Variants in RYR2 observed in about 807,000 individuals in gnomAD.
RYR2 encodes ryanodine receptor 2.
A neutral mutation model predicts 601.1 loss-of-function variants in RYR2; 227 were observed. The ratio of observed to expected loss-of-function variants is 0.38; its 90% CI spans 0.34 to 0.42. RYR2 has a LOEUF of 0.42. Ranked by LOEUF, RYR2 falls within the 10% of genes least tolerant of loss-of-function variation. RYR2 has a pLI of 1.00. For missense variants in RYR2, 4,646 were observed against 6,156.5 expected, an observed-to-expected ratio of 0.75 and a Z score of 8.21; for synonymous variants, 2,223 against 2,175.1, an observed-to-expected ratio of 1.02 and a Z score of -0.61.
chr1:237,766,859 G>A (rs565088693), intron 84 of RYR2, among the ~76,000 whole-genome samples: 3 of 152,220 alleles, frequency 2.0e-5, no homozygotes, highest in South Asian at 2.1e-4. Flanking sequence ...TCTTGGCATC[G>A]GAAATAGGAA....
chr1:237,571,554 A>T (rs190328444), intron 29 of RYR2, among the ~76,000 whole-genome samples: 386 of 152,134 alleles, frequency 2.5e-3, no homozygotes, highest in Non-Finnish European at 4.4e-3. Flanking sequence ...ACCTCAGGTG[A>T]TCCACCCGCC....
At chr1:237,042,832 C>G (rs1301346860) in intron 1 of RYR2, among the ~76,000 whole-genome samples, 1 of 152,058 alleles carries the variant, frequency 6.6e-6, no homozygotes, top group Non-Finnish European at 1.5e-5. Context: ...CGCCCGGGCT[C>G]GGACCCGGGG....
At chr1:237,290,896 A>G (rs1325372684) in intron 2 of RYR2, among the ~76,000 whole-genome samples, 2 of 152,212 alleles carry the variant, frequency 1.3e-5, no homozygotes, top group Non-Finnish European at 2.9e-5. Flanking sequence ...AAAGATGTTG[A>G]AGATTATTAG....
At chr1:237,082,639 A>C (rs533182342) in intron 1 of RYR2, among the ~76,000 whole-genome samples, 2 of 149,904 alleles carry the variant, frequency 1.3e-5, no homozygotes, top group African/African-American at 4.9e-5. Flanking sequence ...TCTCAGTACC[A>C]TAAGGTTAAC....
intron 1 of RYR2, among the ~76,000 whole-genome samples, chr1:237,149,761 T>C (rs767813753): frequency 5.9e-5 from 9 of 152,234 alleles, no homozygotes; most frequent in Non-Finnish European, 1.2e-4. Context: ...TCATTGGCTA[T>C]CCTATTTCCT....
chr1:237,405,265 G>A (rs976054246), intron 10 of RYR2, among the ~76,000 whole-genome samples: 4 of 152,208 alleles, frequency 2.6e-5, no homozygotes, highest in African/African-American at 4.8e-5. Context: ...AGTGATGTAG[G>A]AGGAAAACCT....
At chr1:237,559,089 G>A (rs1201733023) in intron 27 of RYR2, among the ~76,000 whole-genome samples, 2 of 151,072 alleles carry the variant, frequency 1.3e-5, no homozygotes, top group Non-Finnish European at 2.9e-5. Context: ...TCACCTCCCA[G>A]GTTCAAGTGA....
chr1:237,297,718 A>G (rs527829100), intron 2 of RYR2, among the ~76,000 whole-genome samples: 1 of 151,702 alleles, frequency 6.6e-6, no homozygotes, highest in South Asian at 2.1e-4. Flanking sequence ...AAGTTCAGTG[A>G]TTGACTTCTT....
At chr1:237,634,818 G>C in intron 43 of RYR2, 71 bp from the exon 44 acceptor site, 1 of 1,114,296 alleles carries the variant, frequency 9.0e-7, no homozygotes, top group Middle Eastern at 2.3e-4. Flanking sequence ...TTAAGAGGTA[G>C]TATATTTTTG....
intron 1 of RYR2, among the ~76,000 whole-genome samples, chr1:237,159,421 CAGG>C (rs1419615012): frequency 6.6e-6 from 1 of 152,152 alleles, no homozygotes; most frequent in Non-Finnish European, 1.5e-5. Context: ...ATCAAATAGA[CAGG>C]AGAGATGTGT....
At chr1:237,165,105 A>G (rs945250473) in intron 1 of RYR2, among the ~76,000 whole-genome samples, 2 of 151,744 alleles carry the variant, frequency 1.3e-5, no homozygotes, top group East Asian at 1.9e-4. Context: ...CTATAGGCGC[A>G]TGCACCATAC....
At position 237,256,774 on chromosome 1, in the gene RYR2, G is replaced by A. The variant is rs575893310; in HGVS notation, c.49-13723G>A. On this transcript the variant is annotated intron_variant, in intron 1 of 104. Transcript: ENST00000366574. Reference sequence around the variant, plus strand: ...TCTAGTATTTTTCCATCTCTAAAATGCAAAGTGAGAACGGTCGCTTTCTCA... The same window carrying A: ...TCTAGTATTTTTCCATCTCTAAAATACAAAGTGAGAACGGTCGCTTTCTCA... Among the ~76,000 whole-genome samples the A allele has an allele frequency of 9.9e-5, 15 of 152,276 alleles. No individual in the cohort carries two copies. In the South Asian group the frequency reaches 3.1e-3, roughly 32 times the overall value.
intron 1 of RYR2, among the ~76,000 whole-genome samples, chr1:237,135,133 A>C (rs1403803650): frequency 1.3e-5 from 2 of 152,196 alleles, no homozygotes; most frequent in African/African-American, 2.4e-5. Context: ...TCAATGCCTT[A>C]TGTAAGGTTA....
At chr1:237,379,400 C>T (rs1010192710) in intron 8 of RYR2, among the ~76,000 whole-genome samples, 1 of 152,144 alleles carries the variant, frequency 6.6e-6, no homozygotes, top group African/African-American at 2.4e-5. Context: ...CTGGCTTTCT[C>T]ATCTGTAAAA....
chr1:237,198,659 C>T (rs150096322), intron 1 of RYR2, among the ~76,000 whole-genome samples: 130 of 152,030 alleles, frequency 8.6e-4, no homozygotes, highest in African/African-American at 3.0e-3. Context: ...CTTGACTGCT[C>T]TTAGAGAGAC....
chr1:237,232,088 G>T (rs934595254), intron 1 of RYR2, among the ~76,000 whole-genome samples: 20 of 152,144 alleles, frequency 1.3e-4, no homozygotes, highest in African/African-American at 4.6e-4. Flanking sequence ...TACATACTTG[G>T]TGTTCAATCT....
At chr1:237,825,997 T>G (rs1240378889) in intron 101 of RYR2, among the ~76,000 whole-genome samples, 1 of 152,076 alleles carries the variant, frequency 6.6e-6, no homozygotes, top group Non-Finnish European at 1.5e-5. Flanking sequence ...ATGGCGATCA[T>G]TAAAAAGTCA....
intron 25 of RYR2, among the ~76,000 whole-genome samples, chr1:237,530,718 T>C (rs1668059621): frequency 6.6e-6 from 1 of 152,126 alleles, no homozygotes; most frequent in Non-Finnish European, 1.5e-5. Flanking sequence ...AAGACCAGCC[T>C]GGCCAACATG....
chr1:237,578,738 C>T (rs897516234), intron 29 of RYR2, among the ~76,000 whole-genome samples: 3 of 75,830 alleles, frequency 4.0e-5, no homozygotes, highest in Non-Finnish European at 5.5e-5. Flanking sequence ...GGGGCATGTA[C>T]GCTCCCTCAG....
Sources: allele counts gnomAD v4.1 joint callset (sites outside exome capture counted in the v4.1 genomes callset), GRCh38; gene constraint gnomAD v4.1.1; transcripts MANE v1.5; gene names NCBI Gene and HGNC (gene_info 2026-07-23, HGNC 2026-07-21).